Variants in OSGEP observed in about 807,000 individuals in gnomAD.
The protein encoded by OSGEP is tRNA N6-adenosine threonylcarbamoyltransferase.
In OSGEP, 39 loss-of-function variants were observed where a neutral mutation model predicts 44.1. The observed-to-expected ratio is 0.88, with a 90% confidence interval of 0.69 to 1.16. The LOEUF (loss-of-function observed/expected upper bound fraction) is 1.16. Among genes scored for constraint, OSGEP ranks in the 50% most tolerant of loss-of-function variants. The pLI, the probability that OSGEP is intolerant of heterozygous loss-of-function variation, is 0.00. For synonymous variants in OSGEP, 139 were observed against 161.9 expected, an observed-to-expected ratio of 0.86 and a Z score of 1.07; for missense variants, 403 against 443.1, an observed-to-expected ratio of 0.91 and a Z score of 0.81.
intron 1 of OSGEP, among the ~76,000 whole-genome samples, chr14:20,453,893 C>G (rs1594410077): frequency 1.3e-5 from 2 of 152,128 alleles, no homozygotes; most frequent in East Asian, 3.9e-4. Flanking sequence ...GTGGCGCACA[C>G]CTATAGTCCT....
At chr14:20,453,588 C>T (rs1337035719) in intron 1 of OSGEP, among the ~76,000 whole-genome samples, 1 of 151,758 alleles carries the variant, frequency 6.6e-6, no homozygotes, top group African/African-American at 2.4e-5. Context: ...AGGCTGGTCT[C>T]GAACCCCGAC....
Position 20,452,044 on chromosome 14 carries a change from A to G in OSGEP, c.341T>C (p.Ile114Thr), listed in dbSNP as rs1450866031. The change falls in exon 3 of 11, where the codon ATT becomes ACT. Residue 114 changes from isoleucine (I) to threonine (T), a missense_variant. Transcript: ENST00000206542. ...LVGVNHCIGH[I>T]EMGRLITGAT... ...TCCAGTGATGAGGCGGCCCATCTCA[A>G]TGTGGCCTATACAGTGGTTCACACC... The G allele has an allele frequency of 6.2e-7, 1 of 1,613,698 alleles. No individual in the cohort carries two copies. The highest frequency in any genetic ancestry group is 8.5e-7 in the Non-Finnish European group (1 of 1,179,882).
rs2275006 is a variant in OSGEP, at chr14:20,452,181, A to G, written c.236-32T>C. 947,387 of 1,592,116 alleles carry G rather than the reference A, an allele frequency of 0.6. 283,910 individuals carry two copies. Among genetic ancestry groups the G allele is most frequent in the Middle Eastern group, 0.64 (3,639 of 5,712 alleles). On this transcript the variant is annotated intron_variant, in intron 2 of 10. Coordinates refer to ENST00000206542, the MANE Select transcript of OSGEP (RefSeq NM_017807.4). ...AGATAGAAATGGAAGTTATAATCCT[A>G]GAGATTGGAAAAAAACAATAGTGGG...
chr14:20,452,096 C>A lies in OSGEP; in HGVS notation c.289G>T (p.Ala97Ser), dbSNP rs745759790. ...VSVAVVARTVAQLWNKPLVGV... is the reference protein window; with the variant it reads ...VSVAVVARTVSQLWNKPLVGV... ...ACCAATGGCTTATTCCACAGTTGGG[C>A]CACAGTACGGGCCACAACAGCCACA... is the stretch of plus-strand genomic sequence containing the variant. Residue 97 changes from alanine (A) to serine (S), a missense_variant, in exon 3 of 11, where the codon GCC becomes TCC. Ala to Ser is a moderately conservative substitution (Grantham distance 99). Coordinates refer to ENST00000206542, the MANE Select transcript of OSGEP (RefSeq NM_017807.4). The A allele has an allele frequency of 4.6e-5, 74 of 1,613,672 alleles. No individual in the cohort carries two copies. Among genetic ancestry groups the A allele is most frequent in the Non-Finnish European group, 6.2e-5 (73 of 1,179,910 alleles).
chr14:20,447,846 G>C lies in OSGEP; in HGVS notation c.793+58C>G, dbSNP rs1023474259. 3.2e-5 allele frequency: 42 copies of C among 1,325,510 alleles called. No individual in the cohort carries two copies. In the Admixed American group the frequency reaches 6.0e-4, roughly 19 times the overall value. The allele number at this position is 1,325,510 out of a possible 1,614,324, so 82.1% of individuals were successfully genotyped here. ...AAACGCTTAATGATTTAGAGTACCA[G>C]GAGGAAGACGCATAGTGTTAAGAAT... On this transcript the variant is annotated intron_variant, in intron 8 of 10. Transcript: ENST00000206542.
intron 6 of OSGEP, among the ~76,000 whole-genome samples, chr14:20,448,503 A>C (rs1051878529): frequency 2.6e-5 from 4 of 151,852 alleles, no homozygotes; most frequent in African/African-American, 9.7e-5. Flanking sequence ...AGCTCCATGT[A>C]GACAGGGATT....
intron 7 of OSGEP, 55 bp downstream of exon 7, chr14:20,448,051 C>T (rs73587075): frequency 6.3e-7 from 1 of 1,589,474 alleles, no homozygotes; most frequent in African/African-American, 1.3e-5. Context: ...TAGTTCTGCT[C>T]TACAATATAA....
intron 1 of OSGEP, 49 bp downstream of exon 1, chr14:20,454,520 T>A (rs1479827942): frequency 8.1e-7 from 1 of 1,240,046 alleles, no homozygotes; most frequent in Admixed American, 1.7e-5. Flanking sequence ...GAAGGCTGAT[T>A]CTGTGCGGGG....
At chr14:20,453,690 C>T (rs1881171810) in intron 1 of OSGEP, among the ~76,000 whole-genome samples, 1 of 152,052 alleles carries the variant, frequency 6.6e-6, no homozygotes, top group Admixed American at 6.6e-5. Context: ...TTCATCTAAT[C>T]TTCAAGACCT....
chr14:20,454,427 T>G (rs1594410541), intron 1 of OSGEP, 142 bp downstream of exon 1: 1 of 747,126 alleles, frequency 1.3e-6, no homozygotes, highest in East Asian at 2.5e-5. Context: ...CTTCTAGTCA[T>G]CAGCCTTGTG....
rs776648381 is a variant in OSGEP at position 20,452,033 on chromosome 14, G to A, written c.352C>T (p.Arg118Cys). Reference protein sequence around the residue: ...NHCIGHIEMGRLITGATSPTV... With the variant: ...NHCIGHIEMGCLITGATSPTV... ...GGGCTGGTGGCTCCAGTGATGAGGC[G>A]GCCCATCTCAATGTGGCCTATACAG... is the stretch of plus-strand genomic sequence containing the variant. Residue 118 changes from arginine (R) to cysteine (C), a missense_variant, in exon 3 of 11, where the codon CGC becomes TGC. By Grantham distance (180) the Arg-to-Cys change is radical. Coordinates refer to ENST00000206542, the MANE Select transcript of OSGEP (RefSeq NM_017807.4). 6.8e-6 allele frequency: 11 copies of A among 1,613,352 alleles called. No individual in the cohort carries two copies. Among genetic ancestry groups the A allele is most frequent in the African/African-American group, 1.3e-5 (1 of 74,874 alleles).
In OSGEP at chr14:20,447,039, A is replaced by G. The variant is rs1418140113; in HGVS notation, c.*201T>C. The G allele has an allele frequency of 1.7e-6, 1 of 587,714 alleles. No individual in the cohort carries two copies. Among genetic ancestry groups the G allele is most frequent in the Non-Finnish European group, 3.1e-6 (1 of 327,070 alleles). The allele number at this position is 587,714 out of a possible 1,614,324, so 36.4% of individuals were successfully genotyped here. A position where few individuals can be genotyped will look rare whatever the true frequency, so the allele number is the denominator to read the frequency against. ...CAAATCTACATTGGTCCTGAACAAC[A>G]CAATCCAATCACCAACATACAAAAC... On this transcript the variant is annotated 3_prime_UTR_variant, in exon 11 of 11. Coordinates refer to ENST00000206542, the MANE Select transcript of OSGEP (RefSeq NM_017807.4).
intron 6 of OSGEP, 22 bp from the exon 7 acceptor site, chr14:20,448,193 A>T: frequency 6.2e-7 from 1 of 1,600,708 alleles, no homozygotes; most frequent in South Asian, 1.1e-5. Flanking sequence ...GGGAAAAACA[A>T]AAGAATCAAC....
intron 3 of OSGEP, chr14:20,449,534 G>A (rs761055780): frequency 2.5e-6 from 1 of 395,058 alleles, no homozygotes; most frequent in Non-Finnish European, 4.7e-6. Flanking sequence ...TGGTTTTCCG[G>A]CTTAGAAGTT....
At chr14:20,448,203 C>G (rs751032218) in intron 6 of OSGEP, 32 bp from the exon 7 acceptor site, 2 of 1,585,264 alleles carry the variant, frequency 1.3e-6, no homozygotes, top group South Asian at 2.2e-5. Flanking sequence ...AAAGAATCAA[C>G]AAATCATGGT....
chr14:20,453,459 C>T (rs1881161192), intron 1 of OSGEP, among the ~76,000 whole-genome samples: 1 of 151,986 alleles, frequency 6.6e-6, no homozygotes. Context: ...CTCTGTCTCC[C>T]GGGTTCACGC....
chr14:20,453,826 A>C (rs1241918822), intron 1 of OSGEP, among the ~76,000 whole-genome samples: 1 of 152,064 alleles, frequency 6.6e-6, no homozygotes, highest in Non-Finnish European at 1.5e-5. Context: ...GTTCGAGACC[A>C]GCTTGGCCTG....
rs1024424571 is a variant in OSGEP at position 20,448,914 on chromosome 14, A to G, written c.557+50T>C. On this transcript the variant is annotated intron_variant, in intron 5 of 10. Transcript: ENST00000206542. The stretch of plus-strand genomic sequence containing the variant: ...TGTTAATATATACCGTATATGGGGA[A>G]ATCCCTGAAGCCCCAGCAGCCAGCC... The G allele has an allele frequency of 2.5e-6, 4 of 1,603,126 alleles. No individual in the cohort carries two copies. The African/African-American group carries it at 5.4e-5, about 21-fold the overall frequency.
Position 20,454,623 on chromosome 14 carries a change from C to T in OSGEP, c.61G>A (p.Asp21Asn). 2 of 1,614,234 alleles carry T rather than the reference C, an allele frequency of 1.2e-6. No individual in the cohort carries two copies. The highest frequency in any genetic ancestry group is 1.3e-5 in the African/African-American group (1 of 75,074). Residue 21 changes from aspartate (D) to asparagine (N), a missense_variant, in exon 1 of 11, where the codon GAT (aspartate) becomes AAT (asparagine). By Grantham distance (23) the Asp-to-Asn change is conservative. Coordinates refer to ENST00000206542, the MANE Select transcript of OSGEP (RefSeq NM_017807.4). ...CGCGGGTTCGCCAGCACCTTGCCAT[C>T]CCGCACCACGCCCACGCCAATCTTA... The part of the protein sequence containing the change: ...ANKIGVGVVR[D>N]GKVLANPRRT...
Sources: allele counts gnomAD v4.1 joint callset (sites outside exome capture counted in the v4.1 genomes callset), GRCh38; gene constraint gnomAD v4.1.1; transcripts MANE v1.5; gene names NCBI Gene and HGNC (gene_info 2026-07-23, HGNC 2026-07-21).